The following MCTP1 variants were observed in gnomAD, a reference collection of about 807,000 sequenced individuals.
MCTP1 encodes multiple C2 and transmembrane domain containing 1.
In MCTP1, 69 loss-of-function variants were observed where a neutral mutation model predicts 120.6. The ratio of observed to expected loss-of-function variants is 0.57; its 90% confidence interval spans 0.47 to 0.70. The LOEUF (loss-of-function observed/expected upper bound fraction) is 0.70. Among genes scored for constraint, MCTP1 ranks in the 30% least tolerant of loss-of-function variants. The pLI, the probability that MCTP1 is intolerant of heterozygous loss-of-function variation, is 0.00. For missense variants in MCTP1, 1,203 were observed against 1,248.8 expected (o/e 0.96, Z 0.55); for synonymous variants, 529 against 493.1 (o/e 1.07, Z -0.96).
intron 1 of MCTP1, among the ~76,000 whole-genome samples, chr5:95,035,222 ATC>A (rs953034309): frequency 2.0e-5 from 3 of 152,022 alleles, no homozygotes; most frequent in Admixed American, 6.6e-5. Flanking sequence ...ACTACTGGCC[ATC>A]TACCCGAAGG....
intron 17 of MCTP1, among the ~76,000 whole-genome samples, chr5:94,866,304 T>C (rs989215703): frequency 1.3e-5 from 2 of 151,822 alleles, no homozygotes; most frequent in African/African-American, 4.8e-5. Flanking sequence ...AAAGGCAGGG[T>C]TCCCATTCTT....
At chr5:94,724,139 A>G (rs977550560) in intron 19 of MCTP1, among the ~76,000 whole-genome samples, 3 of 152,226 alleles carry the variant, frequency 2.0e-5, no homozygotes, top group African/African-American at 7.2e-5. Flanking sequence ...AAGGCTGTAC[A>G]TAAAATATTT....
intron 2 of MCTP1, among the ~76,000 whole-genome samples, chr5:94,990,551 G>T (rs912819700): frequency 6.6e-6 from 1 of 152,140 alleles, no homozygotes; most frequent in Admixed American, 6.5e-5. Context: ...GAGGGCTCCA[G>T]TCCCTTTTAA....
intron 1 of MCTP1, among the ~76,000 whole-genome samples, chr5:95,140,902 A>AAAAAT: frequency 6.7e-6 from 1 of 150,118 alleles, no homozygotes; most frequent in Non-Finnish European, 1.5e-5. Context: ...AAAAAAAAAA[A>AAAAAT]AAGTGCCATT....
At chr5:95,260,958 T>C (rs1349653600) in intron 1 of MCTP1, among the ~76,000 whole-genome samples, 2 of 152,206 alleles carry the variant, frequency 1.3e-5, no homozygotes, top group African/African-American at 2.4e-5. Context: ...AACCTTGCAA[T>C]AGATTGCTGG....
At chr5:94,717,607 C>T (rs1759802556) in intron 19 of MCTP1, among the ~76,000 whole-genome samples, 1 of 151,990 alleles carries the variant, frequency 6.6e-6, no homozygotes, top group South Asian at 2.1e-4. Context: ...TGACATGATC[C>T]TATATCTAGA....
At chr5:95,183,208 C>CA (rs1355174887) in intron 1 of MCTP1, among the ~76,000 whole-genome samples, 1 of 151,804 alleles carries the variant, frequency 6.6e-6, no homozygotes, top group African/African-American at 2.4e-5. Context: ...ATAGTGGTCT[C>CA]AAAAAATTAT....
chr5:95,236,262 T>G (rs2152666322), intron 1 of MCTP1, among the ~76,000 whole-genome samples: 1 of 152,310 alleles, frequency 6.6e-6, no homozygotes. Context: ...TCTTCCAAGC[T>G]CCAAGCAAGG....
chr5:94,868,915 C>T (rs1797327565), intron 16 of MCTP1, among the ~76,000 whole-genome samples: 3 of 151,878 alleles, frequency 2.0e-5, no homozygotes, highest in Admixed American at 2.0e-4. Flanking sequence ...AAAATGTCTT[C>T]ACCATTTTAG....
chr5:94,798,878 T>C, intron 18 of MCTP1, 135 bp downstream of exon 18: 1 of 817,768 alleles, frequency 1.2e-6, no homozygotes, highest in Non-Finnish European at 1.9e-6. Context: ...AGTTTTGACC[T>C]GATAAAACTT....
intron 1 of MCTP1, among the ~76,000 whole-genome samples, chr5:95,163,663 G>T (rs1452797156): frequency 1.3e-5 from 2 of 152,166 alleles, no homozygotes; most frequent in Non-Finnish European, 2.9e-5. Context: ...TCACTGGGAG[G>T]TTCTACTTTT....
At chr5:94,897,307 C>T (rs1470402347) in intron 10 of MCTP1, among the ~76,000 whole-genome samples, 1 of 150,264 alleles carries the variant, frequency 6.7e-6, no homozygotes, top group Non-Finnish European at 1.5e-5. Context: ...CTCCTGGGCT[C>T]AAGCAATCCA....
At chr5:95,266,921 C>T (rs1360367426) in intron 1 of MCTP1, among the ~76,000 whole-genome samples, 1 of 152,228 alleles carries the variant, frequency 6.6e-6, no homozygotes, top group Non-Finnish European at 1.5e-5. Context: ...CTACAGTCTC[C>T]ATGAAATATT....
chr5:94,957,894 T>G (rs1823041852), intron 2 of MCTP1, among the ~76,000 whole-genome samples: 2 of 152,198 alleles, frequency 1.3e-5, no homozygotes, highest in African/African-American at 2.4e-5. Flanking sequence ...ATTCAGGACT[T>G]GAACTCAGCT....
intron 2 of MCTP1, among the ~76,000 whole-genome samples, chr5:95,006,247 A>T (rs1013246307): frequency 6.6e-6 from 1 of 151,944 alleles, no homozygotes; most frequent in Admixed American, 6.6e-5. Flanking sequence ...ATGTATATAC[A>T]CACACATACA....
chr5:94,892,871 T>C (rs1802994044), intron 11 of MCTP1, among the ~76,000 whole-genome samples: 1 of 152,208 alleles, frequency 6.6e-6, no homozygotes, highest in African/African-American at 2.4e-5. Context: ...ATGATCCTTA[T>C]AATAAAAGGG....
intron 1 of MCTP1, among the ~76,000 whole-genome samples, chr5:95,083,137 A>C (rs1454804345): frequency 6.6e-6 from 1 of 152,206 alleles, no homozygotes; most frequent in African/African-American, 2.4e-5. Context: ...TCAAAAAATT[A>C]TTTAATAAAT....
chr5:95,232,173 A>C (rs1336238719), intron 1 of MCTP1, among the ~76,000 whole-genome samples: 4 of 151,626 alleles, frequency 2.6e-5, no homozygotes, highest in Admixed American at 6.6e-5. Flanking sequence ...AAAAAAAAAA[A>C]AAAACAGTCA....
intron 18 of MCTP1, among the ~76,000 whole-genome samples, chr5:94,790,943 T>C (rs570228699): frequency 1.3e-4 from 20 of 151,966 alleles, no homozygotes; most frequent in African/African-American, 4.6e-4. Context: ...CCCAAAAATT[T>C]CTTTAGGATT....
Sources: gnomAD v4.1 joint callset for allele counts (sites outside exome capture counted in the v4.1 genomes callset) on GRCh38, gnomAD v4.1.1 for gene constraint, MANE v1.5 for transcripts, NCBI Gene and HGNC (gene_info 2026-07-23, HGNC 2026-07-21) for gene names.